ACP1: variants seen among roughly 807,000 people sequenced by gnomAD.
The protein encoded by ACP1 is low molecular weight phosphotyrosine protein phosphatase.
In ACP1, 23 loss-of-function variants were observed where a neutral mutation model predicts 23.4. The ratio of observed to expected loss-of-function variants is 0.98; its 90% CI spans 0.71 to 1.39. The LOEUF is 1.39. Ranked by LOEUF, ACP1 falls within the 40% of genes most tolerant of loss-of-function variation. The pLI is 0.00. For synonymous variants in ACP1, 72 were observed against 67.2 expected (o/e 1.07, Z -0.35); for missense variants, 180 against 197.7 (o/e 0.91, Z 0.54).
chr2:275,324 T>G (rs571470574), intron 4 of ACP1, 123 bp downstream of exon 4: 2 of 467,652 alleles, frequency 4.3e-6, no homozygotes, highest in African/African-American at 3.9e-5. Flanking sequence ...GGTCACCATA[T>G]GTAGAATTAT....
intron 1 of ACP1, 83 bp from the exon 2 acceptor site, chr2:271,783 G>T: frequency 9.5e-7 from 1 of 1,055,060 alleles, no homozygotes. Flanking sequence ...GCCCCCGTGT[G>T]TCAGGTGTGT....
Position 277,503 on chromosome 2 carries a change from C to G in ACP1, c.*199C>G. On this transcript the variant is annotated 3_prime_UTR_variant, in exon 6 of 6. Coordinates refer to ENST00000272065, the MANE Select transcript of ACP1 (RefSeq NM_004300.4). ...GGAGAATCAATAAAAATCTTTGATT[C>G]AGACAGCTTATGGGGTATTTTAAGC... 1.7e-6 allele frequency: 1 copy of G among 603,282 alleles called. No homozygotes were observed. The highest frequency in any genetic ancestry group is 3.0e-6 in the Non-Finnish European group (1 of 337,158). The allele number at this position is 603,282 out of a possible 1,614,324, so 37.4% of individuals were successfully genotyped here.
chr2:273,444 AT>A (rs1335222386), intron 3 of ACP1, among the ~76,000 whole-genome samples: 1 of 152,214 alleles, frequency 6.6e-6, no homozygotes, highest in East Asian at 1.9e-4. Context: ...GAGTCTGCAG[AT>A]TGGGGCCTGC....
At chr2:271,431 G>T (rs954816333) in intron 1 of ACP1, among the ~76,000 whole-genome samples, 1 of 152,144 alleles carries the variant, frequency 6.6e-6, no homozygotes, top group African/African-American at 2.4e-5. Flanking sequence ...TACTGGGTAG[G>T]GGTGGGAGGG....
At position 277,337 on chromosome 2, in the gene ACP1, C is replaced by G; in HGVS notation, c.*33C>G. 1.3e-6 allele frequency: 2 copies of G among 1,593,146 alleles called. No individual in the cohort carries two copies. Among genetic ancestry groups the G allele is most frequent in the South Asian group, 1.1e-5 (1 of 90,584 alleles). ...TCGTGCCCTGCTGCGGCCAGCCTGA[C>G]TAGACCCCACCCTGAGGTCCTGCAT... On this transcript the variant is annotated 3_prime_UTR_variant, in exon 6 of 6. Transcript: ENST00000272065.
rs1364950181 is a variant in ACP1, at chr2:271,208, TGATATAC to T, written c.44-657_44-651del. Among the ~76,000 whole-genome samples the T allele has an allele frequency of 5.2e-3, 799 of 152,318 alleles. 8 individuals carry two copies. The highest frequency in any genetic ancestry group is 0.018 in the African/African-American group (760 of 41,562). On this transcript the variant is annotated intron_variant, in intron 1 of 5. Coordinates refer to ENST00000272065, the MANE Select transcript of ACP1 (RefSeq NM_004300.4). ...GTGAAACAGTAGTCATCCTTATGTGTGATATACTTGAAAATACATACAGTTGACCCTT... is the reference window on the plus strand; with the variant it reads ...GTGAAACAGTAGTCATCCTTATGTGTTTGAAAATACATACAGTTGACCCTT...
At chr2:275,237 C>T in intron 4 of ACP1, 36 bp downstream of exon 4, 2 of 1,308,240 alleles carry the variant, frequency 1.5e-6, no homozygotes, top group South Asian at 2.8e-5. Context: ...CTGTTCAACT[C>T]TCAGTTCAGC....
At chr2:276,441 G>C (rs2103076582) in intron 4 of ACP1, among the ~76,000 whole-genome samples, 1 of 152,282 alleles carries the variant, frequency 6.6e-6, no homozygotes, top group East Asian at 1.9e-4. Context: ...TTAAATAAAT[G>C]GAGGCGCTTA....
At chr2:270,685 T>C (rs1295146757) in intron 1 of ACP1, among the ~76,000 whole-genome samples, 2 of 152,030 alleles carry the variant, frequency 1.3e-5, no homozygotes, top group Non-Finnish European at 2.9e-5. Context: ...AAAACCCCAA[T>C]AAAACCTCAG....
intron 5 of ACP1, 53 bp from the exon 6 acceptor site, chr2:277,174 G>GA: frequency 6.3e-7 from 1 of 1,597,908 alleles, no homozygotes; most frequent in Non-Finnish European, 8.6e-7. Context: ...TTGTGTTAAG[G>GA]ATGTTTTTGT....
intron 2 of ACP1, 30 bp downstream of exon 2, chr2:271,969 C>A: frequency 1.2e-6 from 2 of 1,602,350 alleles, no homozygotes; most frequent in Non-Finnish European, 8.5e-7. Context: ...TTAAAGAGGC[C>A]AACCTGAACT....
chr2:273,282 C>T (rs1670093409), intron 3 of ACP1: 1 of 152,224 alleles, frequency 6.6e-6, no homozygotes, highest in Non-Finnish European at 1.5e-5. Context: ...AAGTTTCCAA[C>T]AAAGGAACTT....
In ACP1 at chr2:277,662, A is replaced by C. The variant is rs1670213905; in HGVS notation, c.*358A>C. The C allele has an allele frequency of 7.2e-6, 2 of 278,438 alleles. No homozygotes were observed. The highest frequency in any genetic ancestry group is 8.6e-5 in the South Asian group (2 of 23,174). 17.2% of individuals were successfully genotyped at this position (278,438 alleles called of 1,614,324 possible). A position where few individuals can be genotyped will look rare whatever the true frequency, so the allele number is the denominator to read the frequency against. On this transcript the variant is annotated 3_prime_UTR_variant, in exon 6 of 6. Coordinates refer to ENST00000272065, the MANE Select transcript of ACP1 (RefSeq NM_004300.4). Reference sequence around the variant, plus strand: ...AAGCCTGTTGAGACTTAGATAATCGAGTCTACCTCTTCAGTAGGTTTGTGT... The same window carrying C: ...AAGCCTGTTGAGACTTAGATAATCGCGTCTACCTCTTCAGTAGGTTTGTGT...
In ACP1 at chr2:277,431, TCTTAC is replaced by T; in HGVS notation, c.*132_*136del. 1 of 791,884 alleles carries T rather than the reference TCTTAC, an allele frequency of 1.3e-6. No individual in the cohort carries two copies. The highest frequency in any genetic ancestry group is 2.5e-5 in the East Asian group (1 of 40,198). 49.1% of individuals were successfully genotyped at this position (791,884 alleles called of 1,614,324 possible). On this transcript the variant is annotated 3_prime_UTR_variant, in exon 6 of 6. Coordinates refer to ENST00000272065, the MANE Select transcript of ACP1 (RefSeq NM_004300.4). ...CTCTTTGTTCAGTTGACTTACTGTTTCTTACCTTAAAAAGTAATTGTAGATGGAAA... is the reference window on the plus strand; with the variant it reads ...CTCTTTGTTCAGTTGACTTACTGTTTCTTAAAAAGTAATTGTAGATGGAAA...
At chr2:268,682 T>C (rs1036023556) in intron 1 of ACP1, among the ~76,000 whole-genome samples, 1 of 152,248 alleles carries the variant, frequency 6.6e-6, no homozygotes, top group Admixed American at 6.5e-5. Context: ...GGGTATAAAA[T>C]AGTCTGCCTA....
chr2:265,144 G>A (rs1316548005), intron 1 of ACP1, 137 bp downstream of exon 1: 4 of 1,000,094 alleles, frequency 4.0e-6, no homozygotes, highest in Non-Finnish European at 5.8e-6. Context: ...GGGTGTTCTA[G>A]GAGTGTGCCG....
chr2:268,457 T>C (rs1391375974), intron 1 of ACP1, among the ~76,000 whole-genome samples: 1 of 152,224 alleles, frequency 6.6e-6, no homozygotes, highest in Admixed American at 6.5e-5. Context: ...TTTATGTTTT[T>C]GCAATAGAGA....
At chr2:266,593 C>T (rs753337014) in intron 1 of ACP1, among the ~76,000 whole-genome samples, 2 of 152,194 alleles carry the variant, frequency 1.3e-5, no homozygotes, top group Non-Finnish European at 2.9e-5. Flanking sequence ...CAATTGCTGT[C>T]AATTGGAACA....
intron 1 of ACP1, among the ~76,000 whole-genome samples, chr2:267,084 C>G (rs1218020756): frequency 1.3e-5 from 2 of 152,182 alleles, no homozygotes; most frequent in Non-Finnish European, 2.9e-5. Context: ...TCCTGCTACT[C>G]AGAACAGTGC....
Sources: gnomAD v4.1 joint callset for allele counts (sites outside exome capture counted in the v4.1 genomes callset) on GRCh38, gnomAD v4.1.1 for gene constraint, MANE v1.5 for transcripts, NCBI Gene and HGNC (gene_info 2026-07-23, HGNC 2026-07-21) for gene names.